Variants in BACH2 observed in about 807,000 individuals in gnomAD.
BACH2 encodes the protein BACH transcriptional regulator 2.
BACH2 carries 5 observed loss-of-function variants against 61.8 expected under a neutral mutation model. That is an observed-to-expected ratio of 0.08 (90% CI 0.04 to 0.17). The LOEUF (loss-of-function observed/expected upper bound fraction) is 0.17. BACH2 is among the 10% of genes least tolerant of loss of function. The pLI, the probability that BACH2 is intolerant of heterozygous loss-of-function variation, is 1.00. For missense variants in BACH2, 824 were observed against 1,091.1 expected (o/e 0.76, Z 3.45); for synonymous variants, 446 against 440.1 (o/e 1.01, Z -0.17).
chr6:90,180,860 T>TACACACAC (rs111933173), intron 4 of BACH2, among the ~76,000 whole-genome samples: 1,911 of 147,248 alleles, frequency 0.013, 22 homozygotes, highest in East Asian at 0.046. Flanking sequence ...TTATGTGTAT[T>TACACACAC]ACACACACAC....
At chr6:90,111,713 T>C (rs1163627627) in intron 4 of BACH2, among the ~76,000 whole-genome samples, 2 of 152,366 alleles carry the variant, frequency 1.3e-5, no homozygotes, top group African/African-American at 2.4e-5. Flanking sequence ...CTCCATTTAT[T>C]ACCCTGATTG....
chr6:90,082,376 A>T (rs932389913), intron 5 of BACH2, among the ~76,000 whole-genome samples: 1 of 152,122 alleles, frequency 6.6e-6, no homozygotes, highest in South Asian at 2.1e-4. Flanking sequence ...AGGAATTTCC[A>T]CCTGATAAAG....
chr6:90,172,239 A>G (rs1471661981), intron 4 of BACH2, among the ~76,000 whole-genome samples: 1 of 151,466 alleles, frequency 6.6e-6, no homozygotes, highest in Non-Finnish European at 1.5e-5. Context: ...CTGGGAAGCA[A>G]AGGTTGCAGT....
intron 6 of BACH2, among the ~76,000 whole-genome samples, chr6:89,993,551 C>T (rs1776690671): frequency 6.6e-6 from 1 of 152,144 alleles, no homozygotes; most frequent in South Asian, 2.1e-4. Context: ...TTAGCGTGAG[C>T]CTTACAGGTG....
intron 6 of BACH2, among the ~76,000 whole-genome samples, chr6:89,957,539 TTTTA>T (rs753051311): frequency 3.9e-5 from 6 of 152,076 alleles, no homozygotes; most frequent in African/African-American, 9.7e-5. Flanking sequence ...CTCGTATTAA[TTTTA>T]TTTATTTATT....
intron 3 of BACH2, among the ~76,000 whole-genome samples, chr6:90,210,069 T>C (rs1582488345): frequency 6.6e-6 from 1 of 152,270 alleles, no homozygotes. Flanking sequence ...TACAACTGTA[T>C]AGTACCCCAA....
rs917021951 is a variant in BACH2 at position 90,118,717 on chromosome 6, G to A, written c.-161-29608C>T. Among the ~76,000 whole-genome samples the A allele has an allele frequency of 8.5e-5, 13 of 152,108 alleles. 1 individual carries two copies. The highest frequency in any genetic ancestry group is 6.2e-4 in the South Asian group (3 of 4,824). ...AAAGTTGACCATATTAAGCCAACAG[G>A]GTCATTGTAAGTATCTGATGTCAAA... On this transcript the variant is annotated intron_variant, in intron 4 of 8. Coordinates refer to ENST00000257749, the MANE Select transcript of BACH2 (RefSeq NM_021813.4).
At chr6:90,019,577 T>C (rs35621410) in intron 5 of BACH2, among the ~76,000 whole-genome samples, 14,405 of 151,394 alleles carry the variant, frequency 0.095, 891 homozygotes, top group Non-Finnish European at 0.14. Flanking sequence ...ATATACCTGA[T>C]TGATCACAAA....
At chr6:90,104,243 G>A (rs1286013281) in intron 4 of BACH2, 1 of 152,248 alleles carries the variant, frequency 6.6e-6, no homozygotes, top group African/African-American at 2.4e-5. Context: ...AGGTGTGTGT[G>A]GAGAGGTGGG....
At chr6:90,250,558 T>C (rs1311972893) in intron 3 of BACH2, among the ~76,000 whole-genome samples, 1 of 152,202 alleles carries the variant, frequency 6.6e-6, no homozygotes, top group East Asian at 1.9e-4. Context: ...CAGATGCTGA[T>C]TGTGGCACTT....
In BACH2 at chr6:90,222,164, G is replaced by C. The variant is rs1333918454; in HGVS notation, c.-274-15483C>G. On this transcript the variant is annotated intron_variant, in intron 3 of 8. Transcript: ENST00000257749. ...CTACACTTACGGCACATCTCAATTT[G>C]GACAAGCCACATTTTAAGAGCTCAA... Among the ~76,000 whole-genome samples, 6 of 152,218 alleles carry C rather than the reference G, an allele frequency of 3.9e-5. No homozygotes were observed. The East Asian group carries it at 1.2e-3, about 29-fold the overall frequency.
chr6:90,101,360 T>C (rs1782618625), intron 4 of BACH2, among the ~76,000 whole-genome samples: 2 of 152,220 alleles, frequency 1.3e-5, no homozygotes, highest in Non-Finnish European at 1.5e-5. Flanking sequence ...TCTAAGAGTT[T>C]TAGAATTTTT....
In BACH2 at chr6:90,086,390, A is replaced by AT. The variant is rs570920873; in HGVS notation, c.-13+2570dup. On this transcript the variant is annotated intron_variant, in intron 5 of 8. Coordinates refer to ENST00000257749, the MANE Select transcript of BACH2 (RefSeq NM_021813.4). ...CTGGATCACTTGGTAATCCTGTTTAATTTTTTTTGAGGAACTGTCGTACTG... is the reference window on the plus strand; with the variant it reads ...CTGGATCACTTGGTAATCCTGTTTAATTTTTTTTTGAGGAACTGTCGTACTG... 2.7e-3 allele frequency among the ~76,000 whole-genome samples: 415 copies of AT among 151,990 alleles called. 1 individual carries two copies. The highest frequency in any genetic ancestry group is 9.8e-3 in the African/African-American group (406 of 41,464).
intron 6 of BACH2, among the ~76,000 whole-genome samples, chr6:89,976,077 T>G (rs1425690413): frequency 6.6e-6 from 1 of 152,198 alleles, no homozygotes; most frequent in Non-Finnish European, 1.5e-5. Context: ...CCATCCTGAA[T>G]CCATCTTGTC....
chr6:90,116,892 C>CT, intron 4 of BACH2: 1 of 600,862 alleles, frequency 1.7e-6, no homozygotes, highest in Non-Finnish European at 2.6e-6. Flanking sequence ...CAAGGGATGT[C>CT]TTTTTTCTGT....
chr6:89,926,764 A>C lies in BACH2; in HGVS notation c.*5644T>G, dbSNP rs1271872072. 1.3e-5 allele frequency: 2 copies of C among 152,690 alleles called. No individual in the cohort carries two copies. Among genetic ancestry groups the C allele is most frequent in the East Asian group, 3.7e-4 (2 of 5,342 alleles). 9.5% of individuals were successfully genotyped at this position (152,690 alleles called of 1,614,324 possible). A position where few individuals can be genotyped will look rare whatever the true frequency, so the allele number is the denominator to read the frequency against. ...CAACAGCCTTTCATTTTTTACAATA[A>C]AAACCACGAGAAAAACCACAATCAC... is the stretch of plus-strand genomic sequence containing the variant. On this transcript the variant is annotated 3_prime_UTR_variant, in exon 9 of 9. Transcript: ENST00000257749.
chr6:90,067,678 T>C (rs899721355), intron 5 of BACH2, among the ~76,000 whole-genome samples: 5 of 152,166 alleles, frequency 3.3e-5, no homozygotes, highest in African/African-American at 7.2e-5. Flanking sequence ...GGTTGACTCA[T>C]TGGTTCATTC....
chr6:90,173,747 G>A (rs1767895482), intron 4 of BACH2, among the ~76,000 whole-genome samples: 1 of 152,142 alleles, frequency 6.6e-6, no homozygotes, highest in Non-Finnish European at 1.5e-5. Context: ...CTTTATTGTG[G>A]TAGTGGTTAC....
chr6:89,948,364 G>A (rs1447544567), intron 7 of BACH2, among the ~76,000 whole-genome samples: 11 of 151,916 alleles, frequency 7.2e-5, no homozygotes, highest in African/African-American at 2.4e-4. Context: ...GAGCCACCAC[G>A]CCTGGCTATT....
Sources: gnomAD v4.1 joint callset for allele counts (sites outside exome capture counted in the v4.1 genomes callset) on GRCh38, gnomAD v4.1.1 for gene constraint, MANE v1.5 for transcripts, NCBI Gene and HGNC (gene_info 2026-07-23, HGNC 2026-07-21) for gene names.